Variants in STAT4 observed in about 807,000 individuals in gnomAD.
STAT4 encodes signal transducer and activator of transcription 4.
A neutral mutation model predicts 110.5 loss-of-function variants in STAT4; 42 were observed. The observed-to-expected ratio is 0.38, with a 90% CI of 0.30 to 0.49. STAT4 has a LOEUF of 0.49. Among genes scored for constraint, STAT4 ranks in the 20% least tolerant of loss-of-function variants. The pLI, the probability that STAT4 is intolerant of heterozygous loss-of-function variation, is 0.95. For missense variants in STAT4, 632 were observed against 887.9 expected, an observed-to-expected ratio of 0.71 and a Z score of 3.66; for synonymous variants, 284 against 302.2, an observed-to-expected ratio of 0.94 and a Z score of 0.63.
intron 4 of STAT4, among the ~76,000 whole-genome samples, chr2:191,074,392 C>G (rs1485753923): frequency 4.6e-5 from 7 of 152,146 alleles, no homozygotes; most frequent in African/African-American, 1.4e-4. Context: ...ATTGGTAAAG[C>G]CTTTATAAAA....
Position 191,050,947 on chromosome 2 carries a change from T to A in STAT4, c.1251+3543A>T, listed in dbSNP as rs1400654. ...CTTAGTGAAACTATCATTTATGACATCTTTGTCCATTGTCAATCATTTAAT... is the reference window on the plus strand; with the variant it reads ...CTTAGTGAAACTATCATTTATGACAACTTTGTCCATTGTCAATCATTTAAT... On this transcript the variant is annotated intron_variant, in intron 14 of 23. Coordinates refer to ENST00000392320, the MANE Select transcript of STAT4 (RefSeq NM_003151.4). This position sits in a 1 kb window ranked among gnomAD's most constrained non-coding sequence, Gnocchi z 4.3. Among the ~76,000 whole-genome samples, 118,660 of 152,186 alleles carry A rather than the reference T, an allele frequency of 0.78. 51,008 individuals carry two copies. The highest frequency in any genetic ancestry group is 0.95 in the Non-Finnish European group (64,291 of 68,024).
At chr2:191,118,617 A>G (rs968765730) in intron 3 of STAT4, among the ~76,000 whole-genome samples, 3 of 152,200 alleles carry the variant, frequency 2.0e-5, no homozygotes, top group Non-Finnish European at 2.9e-5. Flanking sequence ...GACATTTAAG[A>G]ATAGACTTTT....
chr2:191,111,588 C>T (rs1232332555), intron 3 of STAT4, among the ~76,000 whole-genome samples: 1 of 152,188 alleles, frequency 6.6e-6, no homozygotes, highest in Non-Finnish European at 1.5e-5. Context: ...TGTGATGGCT[C>T]ATGCCTGTAA....
intron 3 of STAT4, among the ~76,000 whole-genome samples, chr2:191,126,996 CT>C: frequency 6.6e-6 from 1 of 151,928 alleles, no homozygotes; most frequent in Non-Finnish European, 1.5e-5. Context: ...ATTTTTTAAT[CT>C]TTTTTGTAGA....
In STAT4 at chr2:191,143,462, G is replaced by C. The variant is rs1699386134; in HGVS notation, c.273+3151C>G. Among the ~76,000 whole-genome samples, 1 of 152,116 alleles carries C rather than the reference G, an allele frequency of 6.6e-6. No individual in the cohort carries two copies. Among genetic ancestry groups the C allele is most frequent in the East Asian group, 1.9e-4 (1 of 5,196 alleles). On this transcript the variant is annotated intron_variant, in intron 3 of 23. Transcript: ENST00000392320. This position sits in a 1 kb window ranked among gnomAD's most constrained non-coding sequence, Gnocchi z 5.6. ...GTCTGCCTCCCCTTAAATAGGCCAA[G>C]GGCTGCTGAACGATGGTGTTTATTG...
At chr2:191,134,045 A>G (rs566604022) in intron 3 of STAT4, among the ~76,000 whole-genome samples, 3 of 152,322 alleles carry the variant, frequency 2.0e-5, no homozygotes, top group Admixed American at 6.5e-5. Flanking sequence ...CAGTCTAGAA[A>G]AGGCAAACTG....
rs1330726286 is a variant in STAT4, at chr2:191,039,089, A to G, written c.1434+110T>C. 1.1e-6 allele frequency: 1 copy of G among 900,092 alleles called. No individual in the cohort carries two copies. The highest frequency in any genetic ancestry group is 1.8e-6 in the Non-Finnish European group (1 of 546,774). 55.8% of individuals were successfully genotyped at this position (900,092 alleles called of 1,614,324 possible). A position where few individuals can be genotyped will look rare whatever the true frequency, so the allele number is the denominator to read the frequency against. ...AACTAGAAATACTACAAATAAAGCA[A>G]CTCTCACCCCACACCCCACTGGCAC... is the stretch of plus-strand genomic sequence containing the variant. On this transcript the variant is annotated intron_variant, in intron 16 of 23. Coordinates refer to ENST00000392320, the MANE Select transcript of STAT4 (RefSeq NM_003151.4). This position sits in a 1 kb window ranked among gnomAD's most constrained non-coding sequence, Gnocchi z 4.7.
rs116152358 is a variant in STAT4, at chr2:191,062,747, T to A, written c.941+15A>T. 1.3e-3 allele frequency: 2,043 copies of A among 1,613,002 alleles called. 18 individuals are homozygous for A. In the African/African-American group the frequency reaches 0.018, roughly 14 times the overall value. On this transcript the variant is annotated intron_variant, in intron 9 of 23. Coordinates refer to ENST00000392320, the MANE Select transcript of STAT4 (RefSeq NM_003151.4). The surrounding 1 kb of genome is among the most constrained non-coding windows in gnomAD (Gnocchi z 4.9). ...TTCACAGAATGGAGGATGCCATTGA[T>A]AGCACTTCACTTACTTCTTGAAAAG...
chr2:191,134,863 A>C (rs536040549), intron 3 of STAT4, among the ~76,000 whole-genome samples: 2 of 152,340 alleles, frequency 1.3e-5, no homozygotes, highest in East Asian at 3.9e-4. Flanking sequence ...GGAAATAAAA[A>C]AATTCCTTGA....
intron 6 of STAT4, 91 bp downstream of exon 6, chr2:191,069,602 A>G: frequency 1.0e-6 from 1 of 963,304 alleles, no homozygotes; most frequent in South Asian, 1.4e-5. Context: ...CTAAGGAAGT[A>G]GATCAAATTT....
At chr2:191,137,318 C>G (rs750869311) in intron 3 of STAT4, among the ~76,000 whole-genome samples, 1 of 151,558 alleles carries the variant, frequency 6.6e-6, no homozygotes, top group Non-Finnish European at 1.5e-5. Flanking sequence ...GGGCAACAAA[C>G]AAGGCTCCAT....
intron 15 of STAT4, among the ~76,000 whole-genome samples, chr2:191,040,486 C>T (rs992423259): frequency 1.2e-4 from 18 of 152,090 alleles, no homozygotes; most frequent in Non-Finnish European, 4.4e-5. Flanking sequence ...AACAAACAAA[C>T]AAGAACTTGA....
rs1338261598 is a variant in STAT4 at position 191,030,086 on chromosome 2, A to T, written c.2221-220T>A. On this transcript the variant is annotated intron_variant, in intron 23 of 23. Transcript: ENST00000392320. The surrounding 1 kb of genome is among the most constrained non-coding windows in gnomAD (Gnocchi z 4.4). Reference sequence around the variant, plus strand: ...GAGACAGAAAAGTGTTTTAAGAAAAAGGCCTGTTTATCCACCAAAAACATA... The same window carrying T: ...GAGACAGAAAAGTGTTTTAAGAAAATGGCCTGTTTATCCACCAAAAACATA... Among the ~76,000 whole-genome samples, 3 of 152,214 alleles carry T rather than the reference A, an allele frequency of 2.0e-5. No homozygotes were observed. The highest frequency in any genetic ancestry group is 4.8e-5 in the African/African-American group (2 of 41,452).
intron 3 of STAT4, among the ~76,000 whole-genome samples, chr2:191,141,627 ATG>A (rs1402492865): frequency 1.5e-5 from 2 of 136,818 alleles, no homozygotes; most frequent in Non-Finnish European, 3.2e-5. Flanking sequence ...ATATATATAT[ATG>A]ATTATATATA....
chr2:191,093,445 A>AGGGTCTG (rs201987460), intron 3 of STAT4, among the ~76,000 whole-genome samples: 1,990 of 152,332 alleles, frequency 0.013, 35 homozygotes, highest in African/African-American at 0.038. Context: ...CCAGGCAAAC[A>AGGGTCTG]GGGTCTGGAG....
intron 3 of STAT4, among the ~76,000 whole-genome samples, chr2:191,128,767 T>C (rs1332233447): frequency 6.6e-6 from 1 of 152,214 alleles, no homozygotes; most frequent in African/African-American, 2.4e-5. Flanking sequence ...TGAAAAATAC[T>C]GTATAGGCAG....
chr2:191,031,320 GT>G lies in STAT4; in HGVS notation c.2111+129del, dbSNP rs1406554239. The G allele has an allele frequency of 2.5e-5, 26 of 1,021,530 alleles. No individual in the cohort carries two copies. In the Admixed American group the frequency reaches 7.1e-4, roughly 28 times the overall value. The allele number at this position is 1,021,530 out of a possible 1,614,324, so 63.3% of individuals were successfully genotyped here. A position where few individuals can be genotyped will look rare whatever the true frequency, so the allele number is the denominator to read the frequency against. On this transcript the variant is annotated intron_variant, in intron 22 of 23. Coordinates refer to ENST00000392320, the MANE Select transcript of STAT4 (RefSeq NM_003151.4). The surrounding 1 kb of genome is among the most constrained non-coding windows in gnomAD (Gnocchi z 4.8). ...AGTGTGCCCTGAAGGCTAGCCTTATGTATTAAAGGAAATGGGACATTGCACA... is the reference window on the plus strand; with the variant it reads ...AGTGTGCCCTGAAGGCTAGCCTTATGATTAAAGGAAATGGGACATTGCACA...
chr2:191,067,498 C>T (rs1363983342), intron 6 of STAT4, among the ~76,000 whole-genome samples: 3 of 152,142 alleles, frequency 2.0e-5, no homozygotes, highest in Non-Finnish European at 4.4e-5. Context: ...CGTCCCAAAC[C>T]GTTGTTTGTT....
rs531400834 is a variant in STAT4 at position 191,066,396 on chromosome 2, T to C, written c.630+34A>G. The C allele has an allele frequency of 3.4e-5, 53 of 1,574,496 alleles. No individual in the cohort carries two copies. Among genetic ancestry groups the C allele is most frequent in the South Asian group, 1.1e-4 (10 of 89,970 alleles). ...CTAAGTTTAGAAAAAAGGAGAAAAA[T>C]AGGCAAAAGCCCAAATTAAAATTCT... On this transcript the variant is annotated intron_variant, in intron 7 of 23. Transcript: ENST00000392320. The surrounding 1 kb of genome is among the most constrained non-coding windows in gnomAD (Gnocchi z 4.3).
Sources: gnomAD v4.1 joint callset for allele counts (sites outside exome capture counted in the v4.1 genomes callset) on GRCh38, gnomAD v4.1.1 for gene constraint, Gnocchi (gnomAD v3.1) non-coding constraint, MANE v1.5 for transcripts, NCBI Gene and HGNC (gene_info 2026-07-23, HGNC 2026-07-21) for gene names.